COL11A1: variants seen among roughly 807,000 people sequenced by gnomAD.
The protein encoded by COL11A1 is collagen type XI alpha 1 chain.
COL11A1 carries 74 observed loss-of-function variants against 265.2 expected under a neutral mutation model. The observed-to-expected ratio is 0.28, with a 90% CI of 0.23 to 0.34. The LOEUF is 0.34. Among genes scored for constraint, COL11A1 ranks in the 10% least tolerant of loss-of-function variants. The pLI, the probability that COL11A1 is intolerant of heterozygous loss-of-function variation, is 1.00. For synonymous variants in COL11A1, 816 were observed against 727.6 expected (o/e 1.12, Z -1.96); for missense variants, 2,165 against 2,263.6 (o/e 0.96, Z 0.88).
intron 1 of COL11A1, among the ~76,000 whole-genome samples, chr1:103,097,920 A>G (rs1673915843): frequency 6.6e-6 from 1 of 151,980 alleles, no homozygotes; most frequent in Admixed American, 6.6e-5. Context: ...CTCAATCCTG[A>G]ACTTTTTTAT....
chr1:103,021,838 CTT>C (rs35291481), intron 8 of COL11A1, 69 bp from the exon 9 acceptor site: 1,612 of 809,446 alleles, frequency 2.0e-3, no homozygotes, highest in Non-Finnish European at 2.3e-3. Flanking sequence ...TTCTTTTCTT[CTT>C]TTTTTTTTTC....
At chr1:103,096,877 G>T (rs1046086679) in intron 1 of COL11A1, among the ~76,000 whole-genome samples, 1 of 151,984 alleles carries the variant, frequency 6.6e-6, no homozygotes, top group Admixed American at 6.6e-5. Context: ...ATAAGGTTTA[G>T]AAATGCTAAG....
intron 4 of COL11A1, among the ~76,000 whole-genome samples, chr1:103,064,733 C>T (rs1284635525): frequency 1.4e-5 from 2 of 141,802 alleles, no homozygotes; most frequent in Non-Finnish European, 3.1e-5. Flanking sequence ...CATAGAAGAA[C>T]CTTAAATGCA....
intron 5 of COL11A1, among the ~76,000 whole-genome samples, chr1:103,029,004 A>C (rs1251982682): frequency 2.0e-5 from 3 of 152,092 alleles, no homozygotes; most frequent in Non-Finnish European, 4.4e-5. Flanking sequence ...AAATAAAATT[A>C]AAATGTGATG....
intron 36 of COL11A1, among the ~76,000 whole-genome samples, chr1:102,972,211 T>C (rs1662037817): frequency 6.6e-6 from 1 of 152,196 alleles, no homozygotes; most frequent in Non-Finnish European, 1.5e-5. Context: ...ATATCAATTA[T>C]GTCTGGCTTT....
chr1:103,074,693 T>A lies in COL11A1; in HGVS notation c.576A>T (p.Arg192Ser). 6.2e-7 allele frequency: 1 copy of A among 1,613,402 alleles called. No homozygotes were observed. Among genetic ancestry groups the A allele is most frequent in the Non-Finnish European group, 8.5e-7 (1 of 1,179,614 alleles). Residue 192 changes from arginine to serine, a missense_variant, in exon 4 of 67, where the codon AGA (arginine) becomes AGT (serine). Arg to Ser is a moderately radical substitution (Grantham distance 110). Coordinates refer to ENST00000370096, the MANE Select transcript of COL11A1 (RefSeq NM_001854.4). Reference sequence around the variant, plus strand: ...TGGTATCAACAATTGCTCTCTCACTTCTATCAAGTGGTTTCGTGGTTTTCT... The same window carrying A: ...TGGTATCAACAATTGCTCTCTCACTACTATCAAGTGGTTTCGTGGTTTTCT... ...CKKKTTKPLD[R>S]SERAIVDTNG...
intron 44 of COL11A1, among the ~76,000 whole-genome samples, chr1:102,936,114 AGG>A (rs1658113965): frequency 6.6e-6 from 1 of 152,124 alleles, no homozygotes; most frequent in East Asian, 1.9e-4. Flanking sequence ...TGTATTGATG[AGG>A]CTTTGAAAGT....
intron 36 of COL11A1, among the ~76,000 whole-genome samples, chr1:102,971,586 T>C (rs914869066): frequency 3.3e-5 from 5 of 152,188 alleles, no homozygotes; most frequent in South Asian, 2.1e-4. Context: ...TATGTTCTTA[T>C]AGAGTGAGTA....
chr1:103,091,573 A>G (rs2102369964), intron 1 of COL11A1, among the ~76,000 whole-genome samples: 1 of 152,204 alleles, frequency 6.6e-6, no homozygotes, highest in African/African-American at 2.4e-5. Flanking sequence ...TTACAGTTGT[A>G]TAGTTTACAT....
chr1:103,043,895 T>C (rs1169361879), intron 4 of COL11A1, among the ~76,000 whole-genome samples: 3 of 152,076 alleles, frequency 2.0e-5, no homozygotes, highest in Admixed American at 2.0e-4. Flanking sequence ...TATGTGCCAG[T>C]GTAAAATAAA....
chr1:102,926,022 T>G (rs962211722), intron 46 of COL11A1, among the ~76,000 whole-genome samples: 4 of 152,088 alleles, frequency 2.6e-5, no homozygotes, highest in African/African-American at 9.7e-5. Flanking sequence ...TTTCATCTTT[T>G]TTATGCATAT....
chr1:102,915,537 C>A (rs74108056), intron 50 of COL11A1, 94 bp downstream of exon 50: 8 of 1,083,252 alleles, frequency 7.4e-6, no homozygotes, highest in Non-Finnish European at 1.0e-5. Flanking sequence ...AAGTAAAATT[C>A]GAACCACAGC....
chr1:102,905,182 A>T (rs1328428366), intron 54 of COL11A1, among the ~76,000 whole-genome samples: 9 of 136,650 alleles, frequency 6.6e-5, no homozygotes, highest in African/African-American at 2.0e-4. Context: ...ATGAGAACAC[A>T]TGGACACAGG....
chr1:103,087,385 T>C (rs1455471984), intron 1 of COL11A1, among the ~76,000 whole-genome samples: 1 of 152,198 alleles, frequency 6.6e-6, no homozygotes, highest in Non-Finnish European at 1.5e-5. Flanking sequence ...ACCAACTTGA[T>C]TAAGCTTCCA....
At chr1:102,901,624 A>G (rs1653215100) in intron 54 of COL11A1, among the ~76,000 whole-genome samples, 1 of 152,196 alleles carries the variant, frequency 6.6e-6, no homozygotes, top group Non-Finnish European at 1.5e-5. Flanking sequence ...CTCTTGCTGC[A>G]CTTTGATGAA....
chr1:102,989,537 A>C lies in COL11A1; in HGVS notation c.2375T>G (p.Met792Arg), dbSNP rs1244260470. The change falls in exon 29 of 67, where the codon ATG becomes AGG. Residue 792 changes from methionine to arginine, a missense_variant. Physicochemically the swap from Met to Arg is moderately conservative, Grantham distance 91 (BLOSUM62 -1). Transcript: ENST00000370096. Reference protein sequence around the residue: ...EDGFPGFKGDMGLKGDRGEVG... With the variant: ...EDGFPGFKGDRGLKGDRGEVG... ...ACTTACTCTGTCACCTTTTAGACCC[A>C]TGTCACCTTTGAATCCTGGAAAACC... 1.2e-6 allele frequency: 2 copies of C among 1,611,242 alleles called. No individual in the cohort carries two copies. The highest frequency in any genetic ancestry group is 1.7e-6 in the Non-Finnish European group (2 of 1,177,920).
chr1:103,100,937 A>G (rs1674213460), intron 1 of COL11A1, among the ~76,000 whole-genome samples: 1 of 151,976 alleles, frequency 6.6e-6, no homozygotes, highest in Non-Finnish European at 1.5e-5. Context: ...TTCTCTATGA[A>G]AGTGCATATG....
chr1:103,045,349 T>C (rs1186321116), intron 4 of COL11A1, among the ~76,000 whole-genome samples: 1 of 152,088 alleles, frequency 6.6e-6, no homozygotes, highest in Non-Finnish European at 1.5e-5. Flanking sequence ...AGACTTGCTT[T>C]TCTAGTTATG....
At chr1:103,101,785 T>TGCTAAA (rs1206450037) in intron 1 of COL11A1, among the ~76,000 whole-genome samples, 7 of 152,090 alleles carry the variant, frequency 4.6e-5, no homozygotes, top group Non-Finnish European at 1.0e-4. Context: ...AAGTTAATTG[T>TGCTAAA]GCTAAAGCAC....
Sources: gnomAD v4.1 joint callset for allele counts (sites outside exome capture counted in the v4.1 genomes callset) on GRCh38, gnomAD v4.1.1 for gene constraint, MANE v1.5 for transcripts, NCBI Gene and HGNC (gene_info 2026-07-23, HGNC 2026-07-21) for gene names.